The following SLC24A2 variants were observed in gnomAD, a reference collection of about 807,000 sequenced individuals.
SLC24A2 encodes the protein sodium/potassium/calcium exchanger 2.
In SLC24A2, 36 loss-of-function variants were observed where a neutral mutation model predicts 62.0. That is an observed-to-expected ratio of 0.58 (90% CI 0.44 to 0.77). SLC24A2 has a LOEUF of 0.77. Ranked by LOEUF, SLC24A2 falls within the 30% of genes least tolerant of loss-of-function variation. The pLI is 0.00. For missense variants in SLC24A2, 846 were observed against 817.9 expected (o/e 1.03, Z -0.42); for synonymous variants, 358 against 294.0 (o/e 1.22, Z -2.23).
intron 4 of SLC24A2, among the ~76,000 whole-genome samples, chr9:19,615,502 C>T (rs1242215724): frequency 1.3e-5 from 2 of 152,070 alleles, no homozygotes; most frequent in Non-Finnish European, 2.9e-5. Context: ...TGGCTGTTCT[C>T]GGAATGGAAA....
At chr9:19,945,315 A>G in the SLC24A2 span, among the ~76,000 whole-genome samples, 1 of 152,054 alleles carries the variant, frequency 6.6e-6, no homozygotes, top group South Asian at 2.1e-4. Context: ...GGGAAAAGGA[A>G]GGAGGGAGGG....
At chr9:19,969,165 C>T in the SLC24A2 span, among the ~76,000 whole-genome samples, 3 of 140,438 alleles carry the variant, frequency 2.1e-5, no homozygotes, top group Admixed American at 7.5e-5. Flanking sequence ...CTAACCTCTG[C>T]GTCCGCCACC....
chr9:20,072,756 G>A, the SLC24A2 span, among the ~76,000 whole-genome samples: 1 of 152,028 alleles, frequency 6.6e-6, no homozygotes, highest in Non-Finnish European at 1.5e-5. Context: ...TTTGAAGATA[G>A]AGAAAGGAGC....
intron 2 of SLC24A2, among the ~76,000 whole-genome samples, chr9:19,660,170 T>C (rs114333131): frequency 0.012 from 1,817 of 152,282 alleles, 35 homozygotes; most frequent in African/African-American, 0.04. Flanking sequence ...ATATCCCAGT[T>C]CCTGCCCTAG....
intron 4 of SLC24A2, among the ~76,000 whole-genome samples, chr9:19,616,173 T>A (rs747402962): frequency 2.0e-5 from 3 of 152,206 alleles, no homozygotes; most frequent in Non-Finnish European, 4.4e-5. Flanking sequence ...ACCTTAATCT[T>A]TGGAATATTT....
chr9:20,165,040 C>T, the SLC24A2 span, among the ~76,000 whole-genome samples: 5 of 149,238 alleles, frequency 3.4e-5, no homozygotes, highest in South Asian at 2.1e-4. Context: ...TGCTAAATGA[C>T]GAGTTAATGG....
chr9:19,753,518 T>C (rs1822046227), intron 2 of SLC24A2, among the ~76,000 whole-genome samples: 1 of 152,362 alleles, frequency 6.6e-6, no homozygotes, highest in East Asian at 1.9e-4. Context: ...TCTTTATTTT[T>C]AAACCACCAT....
chr9:19,881,699 T>C, the SLC24A2 span, among the ~76,000 whole-genome samples: 35 of 152,302 alleles, frequency 2.3e-4, no homozygotes, highest in African/African-American at 7.9e-4. Context: ...TAGTTATTTT[T>C]CTCATTTTAT....
At chr9:20,102,131 C>T in the SLC24A2 span, among the ~76,000 whole-genome samples, 1 of 152,166 alleles carries the variant, frequency 6.6e-6, no homozygotes, top group Non-Finnish European at 1.5e-5. Flanking sequence ...CTAGTTCTCC[C>T]TATTTCTATA....
At chr9:20,207,074 A>T in the SLC24A2 span, among the ~76,000 whole-genome samples, 1 of 152,192 alleles carries the variant, frequency 6.6e-6, no homozygotes, top group Non-Finnish European at 1.5e-5. Context: ...AGTACCTAGT[A>T]TTTAGTAAAT....
At chr9:20,267,553 T>C in the SLC24A2 span, among the ~76,000 whole-genome samples, 1 of 152,182 alleles carries the variant, frequency 6.6e-6, no homozygotes, top group Non-Finnish European at 1.5e-5. Context: ...CAGCCTAGAA[T>C]AGGCGCTCAG....
At chr9:20,088,097 G>C in the SLC24A2 span, among the ~76,000 whole-genome samples, 2 of 152,318 alleles carry the variant, frequency 1.3e-5, no homozygotes, top group Admixed American at 6.5e-5. Context: ...AGATACCTGG[G>C]CTTCCCAGGA....
Position 19,515,138 on chromosome 9 carries a change from T to A in SLC24A2, c.*1015A>T, listed in dbSNP as rs1375571718. The A allele has an allele frequency of 6.6e-6, 1 of 152,106 alleles. No individual in the cohort carries two copies. The highest frequency in any genetic ancestry group is 1.5e-5 in the Non-Finnish European group (1 of 68,026). The allele number at this position is 152,106 out of a possible 1,614,324, so 9.4% of individuals were successfully genotyped here. On this transcript the variant is annotated 3_prime_UTR_variant, in exon 11 of 11. Coordinates refer to ENST00000341998, the MANE Select transcript of SLC24A2 (RefSeq NM_020344.4). ...CTCTTCTTTTGATGATAATGGGACA[T>A]GCGCTGGAAAAATACAGGTTCAGTT...
chr9:19,663,826 T>G (rs1361618127), intron 2 of SLC24A2, among the ~76,000 whole-genome samples: 1 of 152,220 alleles, frequency 6.6e-6, no homozygotes, highest in African/African-American at 2.4e-5. Flanking sequence ...TGAGACCAAC[T>G]GCAAGACACT....
the SLC24A2 span, among the ~76,000 whole-genome samples, chr9:20,292,931 G>C: frequency 1.3e-5 from 2 of 152,166 alleles, no homozygotes. Context: ...CAAAATCAAG[G>C]GATCAGCAGG....
chr9:20,288,732 ACT>A, the SLC24A2 span, among the ~76,000 whole-genome samples: 7 of 136,810 alleles, frequency 5.1e-5, no homozygotes, highest in African/African-American at 2.0e-4. Context: ...ATGGAGTGAG[ACT>A]CTGTCTCAAA....
the SLC24A2 span, among the ~76,000 whole-genome samples, chr9:20,037,503 G>A: frequency 6.6e-6 from 1 of 152,172 alleles, no homozygotes; most frequent in Non-Finnish European, 1.5e-5. Context: ...ATATATGGGT[G>A]TACAGATATC....
chr9:19,892,277 G>C, the SLC24A2 span, among the ~76,000 whole-genome samples: 1 of 151,928 alleles, frequency 6.6e-6, no homozygotes, highest in South Asian at 2.1e-4. Flanking sequence ...TCTGTCCCCT[G>C]CTCTCATCCC....
chr9:20,190,997 A>G, the SLC24A2 span, among the ~76,000 whole-genome samples: 1 of 152,210 alleles, frequency 6.6e-6, no homozygotes, highest in Non-Finnish European at 1.5e-5. Flanking sequence ...CTCTAACAGC[A>G]ATTTCCACAC....
Sources: gnomAD v4.1 joint callset for allele counts (sites outside exome capture counted in the v4.1 genomes callset) on GRCh38, gnomAD v4.1.1 for gene constraint, MANE v1.5 for transcripts, NCBI Gene and HGNC (gene_info 2026-07-23, HGNC 2026-07-21) for gene names.